ERICH1: variants seen among roughly 807,000 people sequenced by gnomAD.
ERICH1 encodes glutamate-rich protein 1.
ERICH1 carries 56 observed loss-of-function variants against 39.6 expected under a neutral mutation model. The observed-to-expected ratio is 1.41, with a 90% CI of 1.14 to 1.77. ERICH1 has a LOEUF of 1.77. Among genes scored for constraint, ERICH1 ranks in the 40% most tolerant of loss-of-function variants. The pLI is 0.00. For missense variants in ERICH1, 826 were observed against 575.4 expected (o/e 1.44, Z -4.45); for synonymous variants, 313 against 223.6 (o/e 1.40, Z -3.57).
At chr8:650,293 C>G (rs1231790198) in intron 3 of ERICH1, among the ~76,000 whole-genome samples, 1 of 152,238 alleles carries the variant, frequency 6.6e-6, no homozygotes, top group Non-Finnish European at 1.5e-5. Context: ...GGCCCCTGTC[C>G]TCGCTGGGTC....
intron 3 of ERICH1, among the ~76,000 whole-genome samples, chr8:681,975 G>A (rs1207179082): frequency 6.6e-6 from 1 of 152,156 alleles, no homozygotes; most frequent in Non-Finnish European, 1.5e-5. Flanking sequence ...ATCCTGGTGG[G>A]TTGTTTAGCC....
intron 3 of ERICH1, among the ~76,000 whole-genome samples, chr8:619,643 C>G (rs146940400): frequency 3.3e-5 from 5 of 152,112 alleles, no homozygotes; most frequent in African/African-American, 1.2e-4. Context: ...CTTCTCTCAA[C>G]TTCCTTAAAA....
chr8:665,047 C>A (rs1162004622), intron 5 of ERICH1, among the ~76,000 whole-genome samples: 1 of 152,202 alleles, frequency 6.6e-6, no homozygotes, highest in Non-Finnish European at 1.5e-5. Flanking sequence ...AAGTTTATCT[C>A]AAGGGTGAGC....
At chr8:661,500 A>T (rs990873378), downstream of ERICH1, among the ~76,000 whole-genome samples, 6 of 152,150 alleles carry the variant, frequency 3.9e-5, no homozygotes, top group African/African-American at 1.2e-4. Flanking sequence ...CAACCTGACA[A>T]TTCCTCATGC....
At chr8:624,687 G>A (rs1797496467) in intron 3 of ERICH1, among the ~76,000 whole-genome samples, 1 of 151,938 alleles carries the variant, frequency 6.6e-6, no homozygotes, top group Admixed American at 6.6e-5. Context: ...AGTAAAGGGG[G>A]AGGCGCTACA....
chr8:629,615 G>T (rs1431693560), intron 3 of ERICH1, among the ~76,000 whole-genome samples: 475 of 70,244 alleles, frequency 6.8e-3, no homozygotes, highest in African/African-American at 0.022. Context: ...ACTCACACCC[G>T]CCTGTGACCA....
intron 3 of ERICH1, chr8:616,330 T>C (rs1796895034): frequency 1.2e-5 from 4 of 339,130 alleles, no homozygotes; most frequent in Admixed American, 1.2e-4. Context: ...ACGCGTTAAC[T>C]GAAAGTTGCT....
intron 2 of ERICH1, among the ~76,000 whole-genome samples, chr8:707,532 A>C (rs1225686183): frequency 6.6e-6 from 1 of 152,144 alleles, no homozygotes; most frequent in Non-Finnish European, 1.5e-5. Flanking sequence ...ATGAGTGCTA[A>C]GTCCACTTGA....
At chr8:669,614 C>T (rs1446433530) in intron 4 of ERICH1, among the ~76,000 whole-genome samples, 1 of 152,214 alleles carries the variant, frequency 6.6e-6, no homozygotes, top group African/African-American at 2.4e-5. Context: ...CCCGTCTACA[C>T]CTCTGTCTGG....
In ERICH1 at chr8:616,428, C is replaced by G. The variant is rs527636278; in HGVS notation, c.977-1144G>C. Reference sequence around the variant, plus strand: ...TGTGTGAGGCTGACCGAACCCCGCACACCCCATGCTCTCCTGGCTAAGCGG... The same window carrying G: ...TGTGTGAGGCTGACCGAACCCCGCAGACCCCATGCTCTCCTGGCTAAGCGG... On this transcript the variant is annotated intron_variant, in intron 3 of 3. Coordinates refer to the ERICH1 transcript ENST00000522706. 9.4e-6 allele frequency: 4 copies of G among 427,488 alleles called. No individual in the cohort carries two copies. The Admixed American group carries it at 9.9e-5, about 11-fold the overall frequency. 26.5% of individuals were successfully genotyped at this position (427,488 alleles called of 1,614,324 possible). A position where few individuals can be genotyped will look rare whatever the true frequency, so the allele number is the denominator to read the frequency against.
At chr8:678,297 C>T (rs897062044) in intron 3 of ERICH1, among the ~76,000 whole-genome samples, 1 of 152,106 alleles carries the variant, frequency 6.6e-6, no homozygotes, top group Non-Finnish European at 1.5e-5. Flanking sequence ...AATCCAGCAT[C>T]GGGAACACGG....
intron 1 of ERICH1, among the ~76,000 whole-genome samples, chr8:729,447 C>T (rs1017410458): frequency 1.3e-5 from 2 of 152,240 alleles, no homozygotes; most frequent in Non-Finnish European, 2.9e-5. Flanking sequence ...AAGGGAAATG[C>T]TCTGAAGAAG....
chr8:622,267 G>A (rs1223442627), intron 3 of ERICH1, among the ~76,000 whole-genome samples: 1 of 152,126 alleles, frequency 6.6e-6, no homozygotes, highest in African/African-American at 2.4e-5. Flanking sequence ...TGGTCTGAAT[G>A]TTTGTATCCA....
chr8:729,898 G>T (rs1244992941), intron 1 of ERICH1, among the ~76,000 whole-genome samples: 1 of 151,986 alleles, frequency 6.6e-6, no homozygotes, highest in Non-Finnish European at 1.5e-5. Flanking sequence ...AGGCTTAGAA[G>T]AGTGCAAACA....
chr8:634,313 T>C (rs933414061), intron 3 of ERICH1, among the ~76,000 whole-genome samples: 20 of 152,104 alleles, frequency 1.3e-4, no homozygotes, highest in Non-Finnish European at 2.4e-4. Context: ...ATGGCTGCTA[T>C]AGAAACAAAA....
intron 1 of ERICH1, among the ~76,000 whole-genome samples, chr8:724,815 T>A (rs1818198217): frequency 6.6e-6 from 1 of 152,156 alleles, no homozygotes; most frequent in South Asian, 2.1e-4. Context: ...ACGGGCAGGT[T>A]ACGCTCACTG....
At chr8:724,314 A>T (rs28646087) in intron 1 of ERICH1, among the ~76,000 whole-genome samples, 40,302 of 152,160 alleles carry the variant, frequency 0.26, 6,072 homozygotes, top group Non-Finnish European at 0.34. Flanking sequence ...GATCTCTACA[A>T]ATAAAAAAGG....
At chr8:725,314 C>G (rs113547098) in intron 1 of ERICH1, 1 of 154,880 alleles carries the variant, frequency 6.5e-6, no homozygotes, top group African/African-American at 2.4e-5. Flanking sequence ...GCGGCAGTGA[C>G]CAGCTTGTGA....
chr8:681,901 G>C (rs572811204), intron 3 of ERICH1, among the ~76,000 whole-genome samples: 1 of 152,126 alleles, frequency 6.6e-6, no homozygotes, highest in South Asian at 2.1e-4. Flanking sequence ...CTTGACACCT[G>C]ATTGGGCTCC....
Sources: allele counts gnomAD v4.1 joint callset (sites outside exome capture counted in the v4.1 genomes callset), GRCh38; gene constraint gnomAD v4.1.1; transcripts MANE v1.5; gene names NCBI Gene and HGNC (gene_info 2026-07-23, HGNC 2026-07-21).